The following PROS1 variants were observed in gnomAD, a reference collection of about 807,000 sequenced individuals.
PROS1 encodes protein S.
PROS1 carries 29 observed loss-of-function variants against 75.9 expected under a neutral mutation model. The observed-to-expected ratio is 0.38, with a 90% confidence interval of 0.28 to 0.52. The LOEUF (loss-of-function observed/expected upper bound fraction) is 0.52, where lower values mean the gene tolerates loss of function less well. Among genes scored for constraint, PROS1 ranks in the 20% least tolerant of loss-of-function variants. The probability of loss-of-function intolerance (pLI) is 0.83; values close to 1 mark genes in which losing one functional copy is unlikely to be tolerated. For missense variants in PROS1, 680 were observed against 810.3 expected (o/e 0.84, Z 1.95); for synonymous variants, 245 against 280.6 (o/e 0.87, Z 1.27).
chr3:93,929,901 T>C (rs1312433428), intron 1 of PROS1, among the ~76,000 whole-genome samples: 2 of 152,220 alleles, frequency 1.3e-5, no homozygotes, highest in Non-Finnish European at 2.9e-5. Flanking sequence ...GTAATATAAA[T>C]GTCTGAATTT....
intron 2 of PROS1, among the ~76,000 whole-genome samples, chr3:93,926,301 G>A (rs971934100): frequency 2.0e-5 from 3 of 152,128 alleles, no homozygotes; most frequent in Non-Finnish European, 2.9e-5. Context: ...TTCAATATTA[G>A]ATGATACCTA....
intron 10 of PROS1, among the ~76,000 whole-genome samples, chr3:93,887,762 C>T (rs1267173630): frequency 6.6e-6 from 1 of 152,156 alleles, no homozygotes; most frequent in Non-Finnish European, 1.5e-5. Flanking sequence ...TTTGCTGGAT[C>T]CTCCCCTCCC....
intron 1 of PROS1, among the ~76,000 whole-genome samples, chr3:93,952,810 A>G (rs1225522936): frequency 6.6e-6 from 1 of 152,224 alleles, no homozygotes; most frequent in African/African-American, 2.4e-5. Context: ...TGAAAAGATC[A>G]ACAAAATTGT....
intron 3 of PROS1, among the ~76,000 whole-genome samples, chr3:93,913,936 C>T (rs1325718439): frequency 1.3e-5 from 2 of 152,204 alleles, no homozygotes; most frequent in East Asian, 1.9e-4. Flanking sequence ...AGTAACTGGT[C>T]CTAAGGAAGT....
chr3:93,945,864 A>C lies in PROS1; in HGVS notation c.77-18457T>G, dbSNP rs773637389. On this transcript the variant is annotated intron_variant, in intron 1 of 14. Coordinates refer to ENST00000394236, the MANE Select transcript of PROS1 (RefSeq NM_000313.4). ...CATTCAAGTAGGAAAAGAGGAAGTC[A>C]AATTGTCCCTGTGTGCAGATGACAT... 6.6e-5 allele frequency among the ~76,000 whole-genome samples: 10 copies of C among 152,218 alleles called. 1 individual carries two copies. The highest frequency in any genetic ancestry group is 1.3e-4 in the Non-Finnish European group (9 of 68,038).
At position 93,973,824 on chromosome 3, in the gene PROS1, C is replaced by A; in HGVS notation, c.-75G>T. On this transcript the variant is annotated 5_prime_UTR_variant, in exon 1 of 15. Transcript: ENST00000394236. ...GACCGGAGCGCTAGGCGCCGCGGAG[C>A]TGCGAGCCTGTGCGCCTCGGTCTGA... The A allele has an allele frequency of 7.6e-7, 1 of 1,324,438 alleles. No homozygotes were observed. Among genetic ancestry groups the A allele is most frequent in the Non-Finnish European group, 1.0e-6 (1 of 965,058 alleles). 82.0% of individuals were successfully genotyped at this position (1,324,438 alleles called of 1,614,324 possible).
chr3:93,938,104 A>T (rs1222873967), intron 1 of PROS1, among the ~76,000 whole-genome samples: 1 of 152,194 alleles, frequency 6.6e-6, no homozygotes, highest in Non-Finnish European at 1.5e-5. Flanking sequence ...TGTGACCTGC[A>T]CATATAGATC....
chr3:93,889,126 C>T (rs1708391303), intron 10 of PROS1, among the ~76,000 whole-genome samples: 2 of 152,158 alleles, frequency 1.3e-5, no homozygotes, highest in Admixed American at 1.3e-4. Flanking sequence ...CAAGTCTCAG[C>T]TCAGATCTAA....
intron 3 of PROS1, among the ~76,000 whole-genome samples, chr3:93,911,849 T>G (rs1708763540): frequency 6.6e-6 from 1 of 152,148 alleles, no homozygotes; most frequent in African/African-American, 2.4e-5. Flanking sequence ...CCACCCAGAT[T>G]CAAAGGGTAG....
At chr3:93,918,717 T>C (rs1396602227) in intron 3 of PROS1, among the ~76,000 whole-genome samples, 1 of 152,132 alleles carries the variant, frequency 6.6e-6, no homozygotes, top group African/African-American at 2.4e-5. Flanking sequence ...GGCTAATCTT[T>C]ATATTTTTAC....
intron 1 of PROS1, among the ~76,000 whole-genome samples, chr3:93,941,320 T>G (rs2107225613): frequency 6.6e-6 from 1 of 152,276 alleles, no homozygotes; most frequent in African/African-American, 2.4e-5. Context: ...AAGCTCAAAT[T>G]TCTTCTCCAT....
At chr3:93,902,633 G>A (rs1708612307) in intron 6 of PROS1, among the ~76,000 whole-genome samples, 1 of 151,734 alleles carries the variant, frequency 6.6e-6, no homozygotes, top group African/African-American at 2.4e-5. Flanking sequence ...TGCGTCTGTA[G>A]TCCCAGCTAC....
rs181031055 is a variant in PROS1, at chr3:93,939,857, G to A, written c.77-12450C>T. Among the ~76,000 whole-genome samples the A allele has an allele frequency of 2.2e-4, 33 of 152,042 alleles. No homozygotes were observed. In the South Asian group the frequency reaches 2.5e-3, roughly 11 times the overall value. On this transcript the variant is annotated intron_variant, in intron 1 of 14. Coordinates refer to ENST00000394236, the MANE Select transcript of PROS1 (RefSeq NM_000313.4). ...GAAAAAGCTCCAAAAATTAGATTCC[G>A]GCCCTCAAACCCCACAACAGGACTT...
At chr3:93,931,168 A>G (rs1709100105) in intron 1 of PROS1, among the ~76,000 whole-genome samples, 1 of 152,154 alleles carries the variant, frequency 6.6e-6, no homozygotes, top group African/African-American at 2.4e-5. Context: ...CTATTTTCCT[A>G]TTGAAGAAAT....
chr3:93,943,242 T>C lies in PROS1; in HGVS notation c.77-15835A>G, dbSNP rs542643100. Reference sequence around the variant, plus strand: ...CACCTCACCAAGCTCAGCCTCCAACTTAAAAAGGAGGACTCTGTCAAGGAT... The same window carrying C: ...CACCTCACCAAGCTCAGCCTCCAACCTAAAAAGGAGGACTCTGTCAAGGAT... On this transcript the variant is annotated intron_variant, in intron 1 of 14. Transcript: ENST00000394236. 3.9e-5 allele frequency among the ~76,000 whole-genome samples: 6 copies of C among 152,148 alleles called. No individual in the cohort carries two copies. The East Asian group carries it at 9.7e-4, about 25-fold the overall frequency.
At chr3:93,951,662 C>T (rs1339540210) in intron 1 of PROS1, among the ~76,000 whole-genome samples, 6 of 152,114 alleles carry the variant, frequency 3.9e-5, no homozygotes, top group South Asian at 2.1e-4. Flanking sequence ...TAAACACCAT[C>T]GATGCTAGGA....
chr3:93,893,624 C>T (rs1340277434), intron 9 of PROS1, among the ~76,000 whole-genome samples: 1 of 152,126 alleles, frequency 6.6e-6, no homozygotes, highest in Non-Finnish European at 1.5e-5. Flanking sequence ...CATCAAAAGG[C>T]ATATTTTCCC....
In PROS1 at chr3:93,879,179, G is replaced by A. The variant is rs1210259263; in HGVS notation, c.1628C>T (p.Thr543Ile). The change falls in exon 13 of 15, where the codon ACC becomes ATC. Residue 543 changes from threonine to isoleucine, a missense_variant. By Grantham distance (89) the Thr-to-Ile change is moderately conservative (BLOSUM62 -1). Coordinates refer to ENST00000394236, the MANE Select transcript of PROS1 (RefSeq NM_000313.4). ...TTAAGTTACCTGTGATTTTTCAGAGGTGGAGTCCACCAAGGACACAGCAAA... is the reference window on the plus strand; with the variant it reads ...TTAAGTTACCTGTGATTTTTCAGAGATGGAGTCCACCAAGGACACAGCAAA... ...VPFAVSLVDS[T>I]SEKSQDILLS... is the part of the protein sequence containing the mutation. 6.2e-6 allele frequency: 10 copies of A among 1,614,064 alleles called. No individual in the cohort carries two copies. In the East Asian group the frequency reaches 2.0e-4, roughly 32 times the overall value.
chr3:93,956,195 T>C (rs1225765016), intron 1 of PROS1, among the ~76,000 whole-genome samples: 1 of 152,182 alleles, frequency 6.6e-6, no homozygotes, highest in Non-Finnish European at 1.5e-5. Flanking sequence ...TTGGTATCTT[T>C]CAATTTTGCT....
Sources: gnomAD v4.1 joint callset for allele counts (sites outside exome capture counted in the v4.1 genomes callset) on GRCh38, gnomAD v4.1.1 for gene constraint, MANE v1.5 for transcripts, NCBI Gene and HGNC (gene_info 2026-07-23, HGNC 2026-07-21) for gene names.